The following HPF1 variants were observed in gnomAD, a reference collection of about 807,000 sequenced individuals.
HPF1 encodes the protein histone PARylation factor 1, also known as UPF0609 protein C4orf27.
Under a neutral mutation model 38.8 loss-of-function variants are expected in HPF1, and 35 were observed. The ratio of observed to expected loss-of-function variants is 0.90; its 90% CI spans 0.69 to 1.19. The LOEUF is 1.19. HPF1 is among the 50% of genes most tolerant of loss of function. The pLI, the probability that HPF1 is intolerant of heterozygous loss-of-function variation, is 0.00. For synonymous variants in HPF1, 115 were observed against 139.2 expected (o/e 0.83, Z 1.22); for missense variants, 367 against 405.8 (o/e 0.90, Z 0.82).
chr4:169,744,324 T>C (rs1214878627), intron 4 of HPF1, among the ~76,000 whole-genome samples: 1 of 152,242 alleles, frequency 6.6e-6, no homozygotes. Flanking sequence ...CTGCCACTAT[T>C]GAAGGCACTT....
chr4:169,731,659 G>A (rs2150288217), intron 7 of HPF1, 45 bp downstream of exon 7: 1 of 1,430,506 alleles, frequency 7.0e-7, no homozygotes, highest in Non-Finnish European at 9.3e-7. Flanking sequence ...GGGGAGAGGA[G>A]GGAGGTGTGG....
intron 6 of HPF1, among the ~76,000 whole-genome samples, chr4:169,737,289 CAAAAAAAAA>C (rs35524684): frequency 4.6e-5 from 5 of 108,512 alleles, no homozygotes. Flanking sequence ...CACTCCGTCT[CAAAAAAAAA>C]AAAAAAAAAC....
chr4:169,733,276 A>AT (rs1733852577), intron 6 of HPF1, among the ~76,000 whole-genome samples: 1 of 152,190 alleles, frequency 6.6e-6, no homozygotes. Context: ...GGCTTTCAAG[A>AT]TTTTTTTCAT....
chr4:169,743,839 T>G (rs539509706), intron 4 of HPF1, among the ~76,000 whole-genome samples: 1 of 151,938 alleles, frequency 6.6e-6, no homozygotes, highest in African/African-American at 2.4e-5. Flanking sequence ...GTTAGAACAT[T>G]TATAGTGGGT....
chr4:169,754,423 G>A (rs148603952), intron 1 of HPF1, among the ~76,000 whole-genome samples: 45 of 151,952 alleles, frequency 3.0e-4, no homozygotes, highest in South Asian at 2.1e-4. Flanking sequence ...CTAAACTCTG[G>A]GCCAAAAATC....
intron 3 of HPF1, 42 bp from the exon 4 acceptor site, chr4:169,748,884 T>C: frequency 1.1e-6 from 1 of 898,418 alleles, no homozygotes; most frequent in South Asian, 1.6e-5. Flanking sequence ...TGCCCATAAT[T>C]TATATTATCA....
chr4:169,732,871 T>C (rs554876570), intron 6 of HPF1, among the ~76,000 whole-genome samples: 2 of 152,334 alleles, frequency 1.3e-5, no homozygotes, highest in South Asian at 4.1e-4. Flanking sequence ...CTAGAAATGA[T>C]TTGAAATATA....
At chr4:169,751,504 C>T (rs1560891470) in intron 2 of HPF1, among the ~76,000 whole-genome samples, 3 of 152,086 alleles carry the variant, frequency 2.0e-5, no homozygotes, top group Admixed American at 6.6e-5. Flanking sequence ...TCTATTTGGC[C>T]AACCCTAACC....
chr4:169,733,831 G>C (rs914215387), intron 6 of HPF1, among the ~76,000 whole-genome samples: 3 of 151,474 alleles, frequency 2.0e-5, no homozygotes, highest in African/African-American at 7.3e-5. Flanking sequence ...GGAGGTGCAG[G>C]CTGCAGTGAG....
intron 6 of HPF1, among the ~76,000 whole-genome samples, chr4:169,734,519 A>G (rs1733869013): frequency 6.6e-6 from 1 of 152,256 alleles, no homozygotes; most frequent in Non-Finnish European, 1.5e-5. Flanking sequence ...AGATGAAAAT[A>G]TTCAGCTCAC....
chr4:169,745,845 G>A (rs2150291934), intron 4 of HPF1, among the ~76,000 whole-genome samples: 1 of 152,222 alleles, frequency 6.6e-6, no homozygotes, highest in African/African-American at 2.4e-5. Flanking sequence ...AATGACTGCT[G>A]CTACCCTGGT....
At chr4:169,746,709 G>A (rs1035795584) in intron 4 of HPF1, among the ~76,000 whole-genome samples, 1 of 151,966 alleles carries the variant, frequency 6.6e-6, no homozygotes, top group Non-Finnish European at 1.5e-5. Flanking sequence ...GTTCTGGTTA[G>A]CTGATTTAAG....
At chr4:169,744,668 C>T (rs1276225990) in intron 4 of HPF1, among the ~76,000 whole-genome samples, 1 of 152,206 alleles carries the variant, frequency 6.6e-6, no homozygotes, top group Non-Finnish European at 1.5e-5. Context: ...ATTGCGCTCA[C>T]AGTGGTATTA....
chr4:169,746,016 A>T (rs1289778831), intron 4 of HPF1, among the ~76,000 whole-genome samples: 1 of 152,224 alleles, frequency 6.6e-6, no homozygotes, highest in African/African-American at 2.4e-5. Context: ...AGGAAAATAA[A>T]TAAGGCAGAA....
chr4:169,733,122 C>T (rs1733850818), intron 6 of HPF1, among the ~76,000 whole-genome samples: 1 of 152,204 alleles, frequency 6.6e-6, no homozygotes, highest in African/African-American at 2.4e-5. Flanking sequence ...CAAGAAATCA[C>T]TGCAGAATTA....
chr4:169,746,414 A>T (rs968586597), intron 4 of HPF1, among the ~76,000 whole-genome samples: 9 of 152,190 alleles, frequency 5.9e-5, no homozygotes, highest in Non-Finnish European at 1.2e-4. Flanking sequence ...CATTTTTCAA[A>T]TGTTAACATT....
At chr4:169,731,164 G>A (rs1339634132) in intron 7 of HPF1, among the ~76,000 whole-genome samples, 1 of 152,206 alleles carries the variant, frequency 6.6e-6, no homozygotes, top group Non-Finnish European at 1.5e-5. Flanking sequence ...GGCAACTATG[G>A]TCGAGTAAGC....
At chr4:169,746,321 A>C (rs1173771644) in intron 4 of HPF1, among the ~76,000 whole-genome samples, 1 of 152,198 alleles carries the variant, frequency 6.6e-6, no homozygotes, top group African/African-American at 2.4e-5. Flanking sequence ...GAAATTGCTA[A>C]CTTAAGGGTA....
At chr4:169,743,152 C>T (rs1734000723) in intron 4 of HPF1, among the ~76,000 whole-genome samples, 1 of 151,952 alleles carries the variant, frequency 6.6e-6, no homozygotes, top group South Asian at 2.1e-4. Context: ...TCTTGTTGCC[C>T]AGGCTGGAGT....
Sources: allele counts gnomAD v4.1 joint callset (sites outside exome capture counted in the v4.1 genomes callset), GRCh38; gene constraint gnomAD v4.1.1; transcripts MANE v1.5; gene names NCBI Gene and HGNC (gene_info 2026-07-23, HGNC 2026-07-21).